Variants in VIPR2 observed in about 807,000 individuals in gnomAD.
VIPR2 encodes vasoactive intestinal polypeptide receptor 2.
A neutral mutation model predicts 58.0 loss-of-function variants in VIPR2; 48 were observed. The observed-to-expected ratio is 0.83, with a 90% CI of 0.66 to 1.05. The LOEUF is 1.05. Among genes scored for constraint, VIPR2 ranks in the 50% least tolerant of loss-of-function variants. VIPR2 has a pLI of 0.00. For synonymous variants in VIPR2, 243 were observed against 235.2 expected, an observed-to-expected ratio of 1.03 and a Z score of -0.30; for missense variants, 534 against 558.0, an observed-to-expected ratio of 0.96 and a Z score of 0.43.
intron 3 of VIPR2, among the ~76,000 whole-genome samples, chr7:159,108,662 G>C (rs1170809088): frequency 6.6e-6 from 1 of 152,222 alleles, no homozygotes; most frequent in African/African-American, 2.4e-5. Flanking sequence ...TCTGGCAGAG[G>C]CTGGACTGGA....
At chr7:159,052,525 TAGAAAAG>T (rs1855070408) in intron 5 of VIPR2, among the ~76,000 whole-genome samples, 1 of 152,026 alleles carries the variant, frequency 6.6e-6, no homozygotes, top group Non-Finnish European at 1.5e-5. Context: ...CTCCAAAAAA[TAGAAAAG>T]AGAAAACACT....
At chr7:159,034,526 T>C in intron 9 of VIPR2, 55 bp downstream of exon 9, 1 of 1,527,986 alleles carries the variant, frequency 6.5e-7, no homozygotes, top group Non-Finnish European at 9.1e-7. Context: ...AGGCTTGCTG[T>C]CTGCCCAAGT....
Position 159,030,648 on chromosome 7 carries a change from A to G in VIPR2, c.1285T>C (p.Ser429Pro). 2 of 1,556,928 alleles carry G rather than the reference A, an allele frequency of 1.3e-6. No individual in the cohort carries two copies. The highest frequency in any genetic ancestry group is 1.7e-6 in the Non-Finnish European group (2 of 1,151,744). The stretch of plus-strand genomic sequence containing the variant: ...ACCGAGGTCTCCGTTTGCAGGAAGG[A>G]CTGGGCGCGGGAGCCGCGGTGGAAC... ...LQFHRGSRAQSFLQTETSVI is the reference protein window; with the variant it reads ...LQFHRGSRAQPFLQTETSVI Residue 429 changes from serine to proline, a missense_variant, in exon 13 of 13, where the codon TCC becomes CCC. Physicochemically the swap from Ser to Pro is moderately conservative, Grantham distance 74. Around this residue, in one of 3 missense-constraint regions of VIPR2, gnomAD observed 306 missense variants for 285.8 expected, o/e 1.07. Coordinates refer to ENST00000262178, the MANE Select transcript of VIPR2 (RefSeq NM_003382.5).
intron 2 of VIPR2, among the ~76,000 whole-genome samples, chr7:159,137,865 A>T (rs146565628): frequency 0.014 from 2,057 of 152,336 alleles, 31 homozygotes; most frequent in South Asian, 0.034. Context: ...GGACCTACTT[A>T]TATCAGAAAG....
chr7:159,103,477 A>G lies in VIPR2; in HGVS notation c.357+280T>C, dbSNP rs113420017. Among the ~76,000 whole-genome samples the G allele has an allele frequency of 4.2e-3, 633 of 152,142 alleles. 1 individual carries two copies. The highest frequency in any genetic ancestry group is 0.015 in the African/African-American group (604 of 41,500). Reference sequence around the variant, plus strand: ...AAGTAACTTTCGGGCAGGCGGGGCCACTCTCAGGTTCTCCTCACCATCTCC... The same window carrying G: ...AAGTAACTTTCGGGCAGGCGGGGCCGCTCTCAGGTTCTCCTCACCATCTCC... On this transcript the variant is annotated intron_variant, in intron 4 of 12. Coordinates refer to ENST00000262178, the MANE Select transcript of VIPR2 (RefSeq NM_003382.5).
intron 4 of VIPR2, among the ~76,000 whole-genome samples, chr7:159,065,927 T>G (rs1287632511): frequency 1.3e-5 from 2 of 152,232 alleles, no homozygotes; most frequent in Non-Finnish European, 2.9e-5. Flanking sequence ...TGACCTCCCC[T>G]GAGACAGAAA....
At chr7:159,048,765 C>G in intron 5 of VIPR2, among the ~76,000 whole-genome samples, 1 of 152,166 alleles carries the variant, frequency 6.6e-6, no homozygotes, top group East Asian at 1.9e-4. Context: ...CTGATCTCAA[C>G]AGCTATTGGA....
chr7:159,114,611 G>A (rs1796164306), intron 2 of VIPR2, among the ~76,000 whole-genome samples: 1 of 152,040 alleles, frequency 6.6e-6, no homozygotes, highest in African/African-American at 2.4e-5. Context: ...AAAATAATGA[G>A]ACTCCCTTAA....
chr7:159,101,068 T>C (rs1476595076), intron 4 of VIPR2, among the ~76,000 whole-genome samples: 14 of 147,324 alleles, frequency 9.5e-5, no homozygotes, highest in Middle Eastern at 3.8e-3. Context: ...TTCCCCCGAC[T>C]GTTCCTGTGG....
In VIPR2 at chr7:159,099,177, A is replaced by G. The variant is rs1267191516; in HGVS notation, c.357+4580T>C. On this transcript the variant is annotated intron_variant, in intron 4 of 12. Transcript: ENST00000262178. This position sits in a 1 kb window ranked among gnomAD's most constrained non-coding sequence, Gnocchi z 4.2. ...GTGCCATCCTTTTCTTTGCTTTCTC[A>G]CTTTAAAATATTTTGACTTTCTAAT... Among the ~76,000 whole-genome samples, 1 of 152,234 alleles carries G rather than the reference A, an allele frequency of 6.6e-6. No homozygotes were observed. Among genetic ancestry groups the G allele is most frequent in the Admixed American group, 6.5e-5 (1 of 15,282 alleles).
At chr7:159,116,110 C>T (rs7807453) in intron 2 of VIPR2, among the ~76,000 whole-genome samples, 14,688 of 152,162 alleles carry the variant, frequency 0.097, 809 homozygotes, top group African/African-American at 0.14. Context: ...GTGGTCATCA[C>T]GGAAGGGCTG....
intron 2 of VIPR2, among the ~76,000 whole-genome samples, chr7:159,113,390 G>A (rs369335924): frequency 4.6e-5 from 7 of 152,100 alleles, no homozygotes; most frequent in African/African-American, 9.7e-5. Context: ...AACCCTTAGC[G>A]TTGTGAGCCC....
In VIPR2 at chr7:159,030,637, T is replaced by C. The variant is rs1474542234; in HGVS notation, c.1296A>G (p.Gln432=). 1.3e-6 allele frequency: 2 copies of C among 1,552,610 alleles called. No homozygotes were observed. Among genetic ancestry groups the C allele is most frequent in the Middle Eastern group, 2.2e-4 (1 of 4,482 alleles). The change falls in exon 13 of 13, where the codon CAA becomes CAG. Residue 432 remains glutamine (Q), a synonymous_variant. Coordinates refer to ENST00000262178, the MANE Select transcript of VIPR2 (RefSeq NM_003382.5). ...GGGGCTAGATGACCGAGGTCTCCGT[T>C]TGCAGGAAGGACTGGGCGCGGGAGC... ...HRGSRAQSFL[Q]TETSVI is the part of the protein sequence containing the mutation.
chr7:159,101,067 C>G (rs576401807), intron 4 of VIPR2, among the ~76,000 whole-genome samples: 2 of 149,738 alleles, frequency 1.3e-5, no homozygotes, highest in East Asian at 4.0e-4. Flanking sequence ...GTTCCCCCGA[C>G]TGTTCCTGTG....
At position 159,041,004 on chromosome 7, in the gene VIPR2, T is replaced by G. The variant is rs144719370; in HGVS notation, c.597+2031A>C. ...CCGACTCCCTCTGTCCTCACAGAGC[T>G]TGACTTGGGGCACTGGCTCTGTGCT... On this transcript the variant is annotated intron_variant, in intron 6 of 12. Coordinates refer to ENST00000262178, the MANE Select transcript of VIPR2 (RefSeq NM_003382.5). 4.3e-3 allele frequency among the ~76,000 whole-genome samples: 661 copies of G among 152,360 alleles called. 5 individuals are homozygous for G. The highest frequency in any genetic ancestry group is 5.6e-3 in the Non-Finnish European group (381 of 68,034).
intron 4 of VIPR2, among the ~76,000 whole-genome samples, chr7:159,060,915 G>C (rs1032137845): frequency 6.6e-6 from 1 of 152,200 alleles, no homozygotes; most frequent in African/African-American, 2.4e-5. Context: ...CAAAGGCACA[G>C]AAATCATTCT....
At chr7:159,062,666 A>AGCAGCAAGATTTACT (rs58884445) in intron 4 of VIPR2, among the ~76,000 whole-genome samples, 2 of 151,744 alleles carry the variant, frequency 1.3e-5, no homozygotes, top group Admixed American at 6.6e-5. Context: ...AAGAACAAGC[A>AGCAGCAAGATTTACT]GCAGCAAGAT....
rs925902246 is a variant in VIPR2 at position 159,075,933 on chromosome 7, G to A, written c.358-17355C>T. Among the ~76,000 whole-genome samples the A allele has an allele frequency of 3.9e-5, 6 of 152,256 alleles. No homozygotes were observed. In the South Asian group the frequency reaches 6.2e-4, roughly 16 times the overall value. ...TGCATTTACTGCTTTCTCACGGGCC[G>A]TGGAAGTCCAGGGTAAGTCTCTAGG... On this transcript the variant is annotated intron_variant, in intron 4 of 12. Transcript: ENST00000262178.
At chr7:159,121,103 G>A (rs887977226) in intron 2 of VIPR2, among the ~76,000 whole-genome samples, 6 of 152,096 alleles carry the variant, frequency 3.9e-5, no homozygotes, top group Admixed American at 3.3e-4. Context: ...TCCCTCCCAT[G>A]CCCAGGGCGT....
Sources: allele counts gnomAD v4.1 joint callset (sites outside exome capture counted in the v4.1 genomes callset), GRCh38; gene constraint gnomAD v4.1.1; regional missense constraint gnomAD v4.1.1; non-coding constraint Gnocchi (gnomAD v3.1); transcripts MANE v1.5; gene names NCBI Gene and HGNC (gene_info 2026-07-23, HGNC 2026-07-21).